ABCB11: variants seen among roughly 807,000 people sequenced by gnomAD.
The protein encoded by ABCB11 is bile salt export pump.
ABCB11 carries 95 observed loss-of-function variants against 148.0 expected under a neutral mutation model. The ratio of observed to expected loss-of-function variants is 0.64; its 90% CI spans 0.54 to 0.76. The LOEUF (loss-of-function observed/expected upper bound fraction) is 0.76. Ranked by LOEUF, ABCB11 falls within the 30% of genes least tolerant of loss-of-function variation. The pLI is 0.00. For missense variants in ABCB11, 1,523 were observed against 1,617.8 expected (o/e 0.94, Z 1.01); for synonymous variants, 591 against 555.4 (o/e 1.06, Z -0.90).
chr2:168,960,519 A>G (rs536800028), intron 18 of ABCB11, among the ~76,000 whole-genome samples: 42 of 151,780 alleles, frequency 2.8e-4, no homozygotes, highest in African/African-American at 9.9e-4. Flanking sequence ...CTAAACAACA[A>G]CACTTAGGAC....
intron 21 of ABCB11, among the ~76,000 whole-genome samples, chr2:168,940,867 C>T (rs1459051821): frequency 6.6e-6 from 1 of 152,110 alleles, no homozygotes; most frequent in African/African-American, 2.4e-5. Context: ...TGCTAAATCT[C>T]CTCTGCCTAT....
At chr2:168,967,145 G>C (rs1285216755) in intron 17 of ABCB11, among the ~76,000 whole-genome samples, 1 of 151,892 alleles carries the variant, frequency 6.6e-6, no homozygotes, top group Non-Finnish European at 1.5e-5. Flanking sequence ...ATATTTTCAG[G>C]TTGTGATTCT....
intron 9 of ABCB11, among the ~76,000 whole-genome samples, chr2:168,989,983 T>C (rs1160517983): frequency 3.3e-5 from 5 of 152,168 alleles, no homozygotes; most frequent in Non-Finnish European, 1.5e-5. Context: ...TGAATGATTC[T>C]TTTAATGTGC....
chr2:168,993,712 A>C lies in ABCB11; in HGVS notation c.782T>G (p.Leu261Arg). The C allele has an allele frequency of 6.2e-7, 1 of 1,607,648 alleles. No homozygotes were observed. The highest frequency in any genetic ancestry group is 8.5e-7 in the Non-Finnish European group (1 of 1,176,788). The change falls in exon 8 of 28, where the codon CTG (leucine) becomes CGG (arginine). Residue 261 changes from leucine to arginine, a missense_variant and splice_region_variant. Transcript: ENST00000650372. ...AGAGATGCAAAAAGACATTCTTACC[A>C]GACCAATGGTGGCTGCTCCAATCCC... ...LIGIGAATIG[L>R]SVSKFTDYEL...
At chr2:168,932,598 A>G in intron 23 of ABCB11, 65 bp from the exon 24 acceptor site, 20 of 1,572,742 alleles carry the variant, frequency 1.3e-5, no homozygotes, top group Admixed American at 1.8e-5. Flanking sequence ...ACCTGAAGGC[A>G]GAAGTTTGGG....
rs187672418 is a variant in ABCB11 at position 168,948,949 on chromosome 2, T to C, written c.2344-3988A>G. On this transcript the variant is annotated intron_variant, in intron 19 of 27. Transcript: ENST00000650372. ...TCATTTTTACGGTCAGGAGAGGTGA[T>C]GTGAGAGAAAGAAATGGAGTAGGGA... Among the ~76,000 whole-genome samples the C allele has an allele frequency of 5.2e-3, 791 of 151,726 alleles. 5 individuals carry two copies. The highest frequency in any genetic ancestry group is 0.018 in the African/African-American group (748 of 41,452).
intron 5 of ABCB11, among the ~76,000 whole-genome samples, chr2:169,011,150 A>G (rs1195859353): frequency 6.6e-6 from 1 of 152,212 alleles, no homozygotes; most frequent in African/African-American, 2.4e-5. Flanking sequence ...AGTATCATGT[A>G]TATGCCTCAA....
Position 168,976,663 on chromosome 2 carries a change from C to A in ABCB11, c.1222G>T (p.Glu408Ter), listed in dbSNP as rs2105977467. 1 of 1,611,072 alleles carries A rather than the reference C, an allele frequency of 6.2e-7. No individual in the cohort carries two copies. Among genetic ancestry groups the A allele is most frequent in the Non-Finnish European group, 8.5e-7 (1 of 1,177,742 alleles). ...DRKPIIDCMS[E>*]DGYKLDRIKG... Reference sequence around the variant, plus strand: ...ATTCGATCCAACTTGTAACCATCTTCTGACATGCAGTCAATGATGGGTTTC... The same window carrying A: ...ATTCGATCCAACTTGTAACCATCTTATGACATGCAGTCAATGATGGGTTTC... Residue 408 changes from glutamate (E) to a stop codon, truncating the protein, a stop_gained, in exon 12 of 28, where the codon GAA (glutamate) becomes TAA (stop). Transcript: ENST00000650372. LOFTEE classifies it high-confidence loss of function.
chr2:168,969,318 A>G (rs549976954), intron 16 of ABCB11, 32 bp downstream of exon 16: 2 of 1,560,410 alleles, frequency 1.3e-6, no homozygotes, highest in African/African-American at 1.4e-5. Context: ...ACTATTTAAT[A>G]TAACATACAA....
Position 168,969,339 on chromosome 2 carries a change from A to G in ABCB11, c.2011+11T>C. 1 of 1,608,310 alleles carries G rather than the reference A, an allele frequency of 6.2e-7. No homozygotes were observed. Among genetic ancestry groups the G allele is most frequent in the South Asian group, 1.1e-5 (1 of 90,384 alleles). On this transcript the variant is annotated intron_variant, in intron 16 of 27. Coordinates refer to ENST00000650372, the MANE Select transcript of ABCB11 (RefSeq NM_003742.4). The stretch of plus-strand genomic sequence containing the variant: ...TAATATAACATACAAGTATAGGGAA[A>G]AAGCACTTGCCCTTTATGTCCTCTT...
At position 168,976,631 on chromosome 2, in the gene ABCB11, A is replaced by G. The variant is rs140138979; in HGVS notation, c.1254T>C (p.Gly418=). The G allele has an allele frequency of 5.0e-5, 81 of 1,610,170 alleles. No homozygotes were observed. In the African/African-American group the frequency reaches 6.8e-4, roughly 14 times the overall value. Residue 418 remains glycine, a synonymous_variant, in exon 12 of 28, where the codon GGT becomes GGC. Coordinates refer to ENST00000650372, the MANE Select transcript of ABCB11 (RefSeq NM_003742.4). Reference sequence around the variant, plus strand: ...AGGTCACATTATGGAATTCAATTTCACCCTTGATTCGATCCAACTTGTAAC... The same window carrying G: ...AGGTCACATTATGGAATTCAATTTCGCCCTTGATTCGATCCAACTTGTAAC... ...EDGYKLDRIK[G]EIEFHNVTFH... is the part of the protein sequence containing the mutation.
chr2:168,948,495 AGTGG>A (rs1407383648), intron 19 of ABCB11, among the ~76,000 whole-genome samples: 2 of 109,872 alleles, frequency 1.8e-5, no homozygotes, highest in East Asian at 6.4e-4. Flanking sequence ...TTGAATGATG[AGTGG>A]GTTTTTTTTT....
rs777370489 is a variant in ABCB11 at position 168,923,644 on chromosome 2, G to A, written c.3944C>T (p.Thr1315Ile). ...AQKGAYYKLV[T>I]TGSPIS ...GGGTCAACTGATGGGGGATCCAGTG[G>A]TGACTAGTTTGTAGTAGGCTCCTTT... is the stretch of plus-strand genomic sequence containing the variant. The change falls in exon 28 of 28, where the codon ACC becomes ATC. Residue 1315 changes from threonine (T) to isoleucine (I), a missense_variant. By Grantham distance (89) the Thr-to-Ile change is moderately conservative. Coordinates refer to ENST00000650372, the MANE Select transcript of ABCB11 (RefSeq NM_003742.4). 6.2e-7 allele frequency: 1 copy of A among 1,613,774 alleles called. No individual in the cohort carries two copies. Among genetic ancestry groups the A allele is most frequent in the Non-Finnish European group, 8.5e-7 (1 of 1,179,858 alleles).
chr2:168,937,842 A>C (rs955197367), intron 21 of ABCB11, among the ~76,000 whole-genome samples: 3 of 152,234 alleles, frequency 2.0e-5, no homozygotes, highest in African/African-American at 4.8e-5. Context: ...AAATGGATTC[A>C]GTCCCAATAT....
intron 21 of ABCB11, among the ~76,000 whole-genome samples, chr2:168,941,296 C>T (rs1403952637): frequency 1.3e-5 from 2 of 151,806 alleles, no homozygotes; most frequent in Non-Finnish European, 2.9e-5. Context: ...TATAGATATA[C>T]ACTTTATATG....
downstream of ABCB11, among the ~76,000 whole-genome samples, chr2:168,916,636 G>A (rs148332737): frequency 6.4e-4 from 97 of 152,336 alleles, 1 homozygote; most frequent in East Asian, 0.018. Context: ...AATGGGTTTA[G>A]AGGTTCACTG....
At chr2:168,960,265 C>T (rs1303944777) in intron 18 of ABCB11, among the ~76,000 whole-genome samples, 1 of 151,714 alleles carries the variant, frequency 6.6e-6, no homozygotes, top group Non-Finnish European at 1.5e-5. Context: ...CAAGGCTCCT[C>T]TCACCACTAA....
At chr2:168,985,623 T>A (rs771997510) in intron 10 of ABCB11, among the ~76,000 whole-genome samples, 1 of 152,070 alleles carries the variant, frequency 6.6e-6, no homozygotes, top group Non-Finnish European at 1.5e-5. Flanking sequence ...ATAAAAGGAA[T>A]GAATTAATGG....
chr2:169,025,761 C>A (rs1695676605), intron 1 of ABCB11, among the ~76,000 whole-genome samples: 1 of 152,226 alleles, frequency 6.6e-6, no homozygotes, highest in Non-Finnish European at 1.5e-5. Flanking sequence ...TCTATGCCCA[C>A]AGCATTGTCA....
Sources: gnomAD v4.1 joint callset for allele counts (sites outside exome capture counted in the v4.1 genomes callset) on GRCh38, gnomAD v4.1.1 for gene constraint, MANE v1.5 for transcripts, NCBI Gene and HGNC (gene_info 2026-07-23, HGNC 2026-07-21) for gene names.